TDRP: variants seen among roughly 807,000 people sequenced by gnomAD.
TDRP encodes testis development-related protein.
TDRP carries 12 observed loss-of-function variants against 10.5 expected under a neutral mutation model. The observed-to-expected ratio is 1.15, with a 90% CI of 0.73 to 1.86. TDRP has a LOEUF of 1.86. Ranked by LOEUF, TDRP falls within the 40% of genes most tolerant of loss-of-function variation. The pLI, the probability that TDRP is intolerant of heterozygous loss-of-function variation, is 0.00. For synonymous variants in TDRP, 139 were observed against 95.4 expected (o/e 1.46, Z -2.67); for missense variants, 353 against 229.2 (o/e 1.54, Z -3.49).
chr8:532,849 A>G (rs62484459), intron 1 of TDRP, among the ~76,000 whole-genome samples: 20,664 of 81,112 alleles, frequency 0.25, 1,428 homozygotes, highest in Middle Eastern at 0.36. Context: ...ACGATCGTTC[A>G]TTTACAAGTT....
chr8:524,089 C>A (rs934486152), intron 1 of TDRP, among the ~76,000 whole-genome samples: 1 of 152,208 alleles, frequency 6.6e-6, no homozygotes, highest in Non-Finnish European at 1.5e-5. Flanking sequence ...CAGTTCCCAG[C>A]AGTTCAGCAC....
intron 1 of TDRP, among the ~76,000 whole-genome samples, chr8:516,385 C>T (rs1312563583): frequency 6.6e-6 from 1 of 152,096 alleles, no homozygotes; most frequent in Non-Finnish European, 1.5e-5. Context: ...GGATTGTTGT[C>T]CAAAATATAC....
intron 1 of TDRP, among the ~76,000 whole-genome samples, chr8:512,891 A>G (rs536281618): frequency 4.4e-4 from 67 of 151,948 alleles, no homozygotes; most frequent in African/African-American, 1.4e-3. Context: ...AGAATCACTT[A>G]AACCTGGGAA....
At chr8:540,243 T>C (rs573867713) in intron 1 of TDRP, among the ~76,000 whole-genome samples, 136 of 152,334 alleles carry the variant, frequency 8.9e-4, no homozygotes, top group Non-Finnish European at 1.5e-3. Context: ...AGAAATTTAA[T>C]ATCATTTAGT....
intron 1 of TDRP, among the ~76,000 whole-genome samples, chr8:501,943 T>G (rs1801314939): frequency 6.6e-6 from 1 of 152,190 alleles, no homozygotes; most frequent in South Asian, 2.1e-4. Context: ...AGAACAGTTC[T>G]GGACAAAGGC....
chr8:527,919 C>A (rs942634416), intron 1 of TDRP, among the ~76,000 whole-genome samples: 4 of 152,064 alleles, frequency 2.6e-5, no homozygotes, highest in African/African-American at 7.2e-5. Flanking sequence ...GGGATCACAT[C>A]AAATTAGAAA....
chr8:524,153 C>T (rs948314363), intron 1 of TDRP, among the ~76,000 whole-genome samples: 1 of 152,200 alleles, frequency 6.6e-6, no homozygotes, highest in Non-Finnish European at 1.5e-5. Context: ...AGAGTTTCTG[C>T]CTGGTAATCC....
chr8:530,850 G>T (rs1241762211), intron 1 of TDRP, among the ~76,000 whole-genome samples: 1 of 152,146 alleles, frequency 6.6e-6, no homozygotes, highest in Non-Finnish European at 1.5e-5. Flanking sequence ...TCCCATTCCT[G>T]CCCAAGGGAT....
At chr8:508,362 C>G (rs1302377844) in intron 1 of TDRP, among the ~76,000 whole-genome samples, 3 of 152,174 alleles carry the variant, frequency 2.0e-5, no homozygotes, top group Non-Finnish European at 2.9e-5. Context: ...CTGCCCAAGA[C>G]TGGGTAATTT....
At chr8:543,159 A>T (rs938888997) in intron 1 of TDRP, among the ~76,000 whole-genome samples, 1 of 152,058 alleles carries the variant, frequency 6.6e-6, no homozygotes, top group Non-Finnish European at 1.5e-5. Flanking sequence ...ACGGTTTTTT[A>T]AAATTAGCCA....
At chr8:523,779 T>C (rs1049435856) in intron 1 of TDRP, among the ~76,000 whole-genome samples, 1 of 152,038 alleles carries the variant, frequency 6.6e-6, no homozygotes, top group Non-Finnish European at 1.5e-5. Context: ...TAGGCTGCAG[T>C]AGAATAGAGC....
intron 1 of TDRP, among the ~76,000 whole-genome samples, chr8:503,104 C>G (rs1801350887): frequency 2.6e-5 from 4 of 152,052 alleles, no homozygotes; most frequent in Non-Finnish European, 5.9e-5. Flanking sequence ...GAATCCAAAG[C>G]CACACACTGG....
chr8:494,916 T>C (rs1801085147), intron 1 of TDRP: 1 of 212,462 alleles, frequency 4.7e-6, no homozygotes, highest in African/African-American at 2.3e-5. Flanking sequence ...CCCTCACAAA[T>C]AAGAATTAGG....
intron 1 of TDRP, among the ~76,000 whole-genome samples, chr8:530,146 G>C (rs1253892539): frequency 5.3e-5 from 8 of 151,968 alleles, no homozygotes; most frequent in South Asian, 4.2e-4. Flanking sequence ...AATCCCTCTA[G>C]TTAATTTTTC....
In TDRP at chr8:500,231, G is replaced by A. The variant is rs574399857; in HGVS notation, c.109-5634C>T. On this transcript the variant is annotated intron_variant, in intron 1 of 2. Transcript: ENST00000324079. ...AAAAAAGTGCTTCATGTTTCATGAA[G>A]AAAATCTATGCAATATTGTAAAGAA... is the stretch of plus-strand genomic sequence containing the variant. 3.9e-5 allele frequency among the ~76,000 whole-genome samples: 6 copies of A among 152,244 alleles called. No homozygotes were observed. In the South Asian group the frequency reaches 1.2e-3, roughly 32 times the overall value.
upstream of TDRP, chr8:544,857 G>A (rs1042401896): frequency 8.1e-6 from 7 of 861,820 alleles, no homozygotes; most frequent in South Asian, 5.8e-5. Context: ...TGCGGGACGC[G>A]GGCCCAGTGG....
chr8:496,227 A>G (rs772577977), intron 1 of TDRP, among the ~76,000 whole-genome samples: 16 of 152,370 alleles, frequency 1.1e-4, no homozygotes, highest in Non-Finnish European at 2.2e-4. Flanking sequence ...TCATGCTGAC[A>G]GCTTTGGCAC....
chr8:526,741 C>T (rs891255343), intron 1 of TDRP, among the ~76,000 whole-genome samples: 1 of 152,118 alleles, frequency 6.6e-6, no homozygotes, highest in Non-Finnish European at 1.5e-5. Context: ...TTCCCTTCTC[C>T]TCTATTTTTC....
At chr8:506,322 G>T (rs375612847) in intron 1 of TDRP, among the ~76,000 whole-genome samples, 11 of 152,180 alleles carry the variant, frequency 7.2e-5, no homozygotes, top group Non-Finnish European at 1.3e-4. Flanking sequence ...GCAGCGGGGG[G>T]AGGGGAGGAG....
Sources: allele counts gnomAD v4.1 joint callset (sites outside exome capture counted in the v4.1 genomes callset), GRCh38; gene constraint gnomAD v4.1.1; transcripts MANE v1.5; gene names NCBI Gene and HGNC (gene_info 2026-07-23, HGNC 2026-07-21).